TMEM178B: variants seen among roughly 807,000 people sequenced by gnomAD.
The protein encoded by TMEM178B is transmembrane protein 178B.
In TMEM178B, 5 loss-of-function variants were observed where a neutral mutation model predicts 31.0. The observed-to-expected ratio is 0.16, with a 90% confidence interval of 0.08 to 0.34. TMEM178B has a LOEUF of 0.34. Among genes scored for constraint, TMEM178B ranks in the 10% least tolerant of loss-of-function variants. The pLI, the probability that TMEM178B is intolerant of heterozygous loss-of-function variation, is 1.00. For synonymous variants in TMEM178B, 164 were observed against 164.0 expected (o/e 1.00, Z 0.00); for missense variants, 275 against 400.3 (o/e 0.69, Z 2.67).
chr7:141,164,038 G>GTTTTTAGGTTATTA (rs1444328701), intron 1 of TMEM178B, among the ~76,000 whole-genome samples: 1 of 152,020 alleles, frequency 6.6e-6, no homozygotes, highest in Admixed American at 6.6e-5. Flanking sequence ...CTTTCCCTGG[G>GTTTTTAGGTTATTA]TTTTTAGGTT....
intron 1 of TMEM178B, among the ~76,000 whole-genome samples, chr7:141,104,045 C>T (rs1372362973): frequency 1.3e-5 from 2 of 152,108 alleles, no homozygotes; most frequent in African/African-American, 2.4e-5. Context: ...CATGCACAAC[C>T]GAAAAAACCA....
At chr7:141,194,380 A>C (rs1373614862) in intron 1 of TMEM178B, among the ~76,000 whole-genome samples, 2 of 152,216 alleles carry the variant, frequency 1.3e-5, no homozygotes, top group African/African-American at 2.4e-5. Flanking sequence ...CAGCCATTTC[A>C]AATGGGAGAA....
chr7:141,466,630 A>G (rs1253326614), intron 3 of TMEM178B, among the ~76,000 whole-genome samples: 2 of 152,144 alleles, frequency 1.3e-5, no homozygotes, highest in East Asian at 3.9e-4. Flanking sequence ...AACAGTTTAT[A>G]TAAAGTCCTT....
chr7:141,379,536 A>G (rs2116584478), intron 2 of TMEM178B, among the ~76,000 whole-genome samples: 1 of 152,312 alleles, frequency 6.6e-6, no homozygotes, highest in East Asian at 1.9e-4. Flanking sequence ...CATGAGAAGC[A>G]AAACCAAAGC....
chr7:141,223,725 G>A (rs531036844), intron 2 of TMEM178B, among the ~76,000 whole-genome samples: 1 of 152,190 alleles, frequency 6.6e-6, no homozygotes, highest in African/African-American at 2.4e-5. Context: ...GGGAAGGTTG[G>A]CACAGAATAC....
At chr7:141,433,351 T>G (rs1021492860) in intron 2 of TMEM178B, among the ~76,000 whole-genome samples, 4 of 152,244 alleles carry the variant, frequency 2.6e-5, no homozygotes, top group African/African-American at 9.6e-5. Context: ...CATGAGCCTT[T>G]TGGGGATTCC....
chr7:141,451,618 C>T (rs1801864788), intron 3 of TMEM178B, among the ~76,000 whole-genome samples: 1 of 152,120 alleles, frequency 6.6e-6, no homozygotes, highest in Non-Finnish European at 1.5e-5. Context: ...TCCACACGGC[C>T]ATCTCATTAT....
chr7:141,385,753 A>C (rs1003588325), intron 2 of TMEM178B, among the ~76,000 whole-genome samples: 1 of 152,166 alleles, frequency 6.6e-6, no homozygotes, highest in Non-Finnish European at 1.5e-5. Flanking sequence ...TGGTCTTATT[A>C]TCCCTGGCCT....
the TMEM178B span, among the ~76,000 whole-genome samples, chr7:141,485,658 G>T: frequency 6.6e-6 from 1 of 152,210 alleles, no homozygotes; most frequent in African/African-American, 2.4e-5. Context: ...GAATACCAGT[G>T]GGAAAGGATT....
rs541767411 is a variant in TMEM178B, at chr7:141,226,856, T to C, written c.496+14152T>C. On this transcript the variant is annotated intron_variant, in intron 2 of 3. Transcript: ENST00000565468. ...CTAAGCAACAGAGTGAGACTACCACTCTGAAAAAAAAAAAAAAAGAAAAAG... is the reference window on the plus strand; with the variant it reads ...CTAAGCAACAGAGTGAGACTACCACCCTGAAAAAAAAAAAAAAAGAAAAAG... Among the ~76,000 whole-genome samples the C allele has an allele frequency of 9.3e-4, 76 of 81,606 alleles. No homozygotes were observed. The Admixed American group carries it at 0.01, about 11-fold the overall frequency. 53.5% of individuals were successfully genotyped at this position (81,606 alleles called of 152,430 possible). A position where few individuals can be genotyped will look rare whatever the true frequency, so the allele number is the denominator to read the frequency against.
intron 2 of TMEM178B, among the ~76,000 whole-genome samples, chr7:141,218,561 T>C (rs10249857): frequency 0.8 from 121,250 of 152,130 alleles, 48,565 homozygotes; most frequent in Middle Eastern, 0.88. Flanking sequence ...CAGGCTGGTG[T>C]ATGGTGGGAA....
At chr7:141,102,334 G>A (rs1430902872) in intron 1 of TMEM178B, among the ~76,000 whole-genome samples, 1 of 152,068 alleles carries the variant, frequency 6.6e-6, no homozygotes, top group Non-Finnish European at 1.5e-5. Context: ...TTATTCATAG[G>A]CTTTGACCTA....
At chr7:141,504,323 C>T in the TMEM178B span, among the ~76,000 whole-genome samples, 16 of 152,250 alleles carry the variant, frequency 1.1e-4, no homozygotes, top group African/African-American at 3.1e-4. Context: ...TTAGTGAATA[C>T]GCTTCAGTTT....
intron 2 of TMEM178B, among the ~76,000 whole-genome samples, chr7:141,225,821 C>T (rs926881192): frequency 2.6e-5 from 4 of 152,106 alleles, no homozygotes; most frequent in Admixed American, 2.6e-4. Context: ...CCTTGATGTG[C>T]CCTGTGTAGG....
At chr7:141,371,606 A>C (rs572098571) in intron 2 of TMEM178B, among the ~76,000 whole-genome samples, 14 of 152,356 alleles carry the variant, frequency 9.2e-5, no homozygotes, top group African/African-American at 3.1e-4. Context: ...AGGCTGAAAC[A>C]AACTAGATAT....
chr7:141,330,028 G>A (rs1169705116), intron 2 of TMEM178B, among the ~76,000 whole-genome samples: 1 of 152,076 alleles, frequency 6.6e-6, no homozygotes, highest in African/African-American at 2.4e-5. Context: ...AGATGGCCAT[G>A]GTAACCCTGA....
At chr7:141,408,598 G>A (rs1243935331) in intron 2 of TMEM178B, among the ~76,000 whole-genome samples, 1 of 152,184 alleles carries the variant, frequency 6.6e-6, no homozygotes, top group Non-Finnish European at 1.5e-5. Context: ...GCCCTGAATG[G>A]AGCTTGCATA....
chr7:141,337,645 A>G (rs1034981625), intron 2 of TMEM178B, among the ~76,000 whole-genome samples: 4 of 152,210 alleles, frequency 2.6e-5, no homozygotes, highest in African/African-American at 9.7e-5. Flanking sequence ...ACTTTTGGCT[A>G]CATCTTTCAG....
At chr7:141,428,636 C>A (rs1046308245) in intron 2 of TMEM178B, among the ~76,000 whole-genome samples, 1 of 152,118 alleles carries the variant, frequency 6.6e-6, no homozygotes, top group Admixed American at 6.5e-5. Context: ...CAGGCCACCC[C>A]ACGTGTGGAC....
Sources: gnomAD v4.1 joint callset for allele counts (sites outside exome capture counted in the v4.1 genomes callset) on GRCh38, gnomAD v4.1.1 for gene constraint, MANE v1.5 for transcripts, NCBI Gene and HGNC (gene_info 2026-07-23, HGNC 2026-07-21) for gene names.